The following HS1BP3 variants were observed in gnomAD, a reference collection of about 807,000 sequenced individuals.
The protein encoded by HS1BP3 is HCLS1 binding protein 3.
Under a neutral mutation model 33.5 loss-of-function variants are expected in HS1BP3, and 32 were observed. The observed-to-expected ratio is 0.95, with a 90% CI of 0.72 to 1.28. HS1BP3 has a LOEUF of 1.28. HS1BP3 is among the 50% of genes most tolerant of loss of function. The pLI is 0.00. For synonymous variants in HS1BP3, 187 were observed against 209.2 expected (o/e 0.89, Z 0.92); for missense variants, 486 against 502.3 (o/e 0.97, Z 0.31).
chr2:20,637,034 G>GC (rs1303746385), intron 4 of HS1BP3: 1 of 90,756 alleles, frequency 1.1e-5, no homozygotes, highest in African/African-American at 4.0e-5. Context: ...GGCTGCCCCC[G>GC]CCCCCCCCGC....
At chr2:20,592,315 T>C (rs1233287691), downstream of HS1BP3, 1 of 162,172 alleles carries the variant, frequency 6.2e-6, no homozygotes, top group East Asian at 1.9e-4. Flanking sequence ...ATTCCCTGTC[T>C]GGCCATCCAC....
chr2:20,573,683 C>T (rs1040742132), intron 5 of HS1BP3, among the ~76,000 whole-genome samples: 1 of 152,234 alleles, frequency 6.6e-6, no homozygotes, highest in Non-Finnish European at 1.5e-5. Context: ...CCTTCCTGTT[C>T]AGCTACTAGT....
At chr2:20,559,999 C>T (rs748080360), downstream of HS1BP3, among the ~76,000 whole-genome samples, 4 of 152,070 alleles carry the variant, frequency 2.6e-5, no homozygotes, top group Non-Finnish European at 4.4e-5. Flanking sequence ...GCGGGAATAC[C>T]AGGTGACCTG....
At chr2:20,594,041 C>T (rs946225358) in intron 3 of HS1BP3, among the ~76,000 whole-genome samples, 2 of 152,256 alleles carry the variant, frequency 1.3e-5, no homozygotes, top group Non-Finnish European at 2.9e-5. Context: ...CTTCCTGTTG[C>T]TGGTCCCCAG....
intron 5 of HS1BP3, among the ~76,000 whole-genome samples, chr2:20,577,869 C>G (rs2149274605): frequency 6.6e-6 from 1 of 152,314 alleles, no homozygotes; most frequent in African/African-American, 2.4e-5. Context: ...CTGATCAGAT[C>G]AATGATTCAT....
At chr2:20,612,054 T>G (rs138409775) in intron 2 of HS1BP3, among the ~76,000 whole-genome samples, 2,556 of 152,358 alleles carry the variant, frequency 0.017, 47 homozygotes, top group South Asian at 0.053. Flanking sequence ...TAATGAATAC[T>G]ATGCATCAGG....
chr2:20,647,824 C>T (rs994218038), intron 1 of HS1BP3, among the ~76,000 whole-genome samples: 2 of 152,184 alleles, frequency 1.3e-5, no homozygotes, highest in Non-Finnish European at 2.9e-5. Context: ...AATGTGCGTG[C>T]AACCCCCTGG....
At chr2:20,580,016 T>C (rs989804469) in intron 5 of HS1BP3, among the ~76,000 whole-genome samples, 3 of 152,250 alleles carry the variant, frequency 2.0e-5, no homozygotes, top group African/African-American at 7.2e-5. Context: ...CTAATCTACA[T>C]ACCCTTATCT....
chr2:20,589,203 A>C (rs567937344), downstream of HS1BP3, among the ~76,000 whole-genome samples: 3 of 152,300 alleles, frequency 2.0e-5, no homozygotes, highest in East Asian at 5.8e-4. Context: ...TTCACTTCTC[A>C]GGATAGCCCA....
chr2:20,593,731 C>T (rs577075432), intron 3 of HS1BP3, among the ~76,000 whole-genome samples: 2 of 152,166 alleles, frequency 1.3e-5, no homozygotes, highest in East Asian at 1.9e-4. Context: ...CACAGTTAGC[C>T]GAGTGTGTGC....
At chr2:20,640,647 G>T (rs1369703767) in intron 3 of HS1BP3, 1 of 530,558 alleles carries the variant, frequency 1.9e-6, no homozygotes, top group East Asian at 2.8e-5. Context: ...GTGTCAGGGG[G>T]TTGTATGTGG....
chr2:20,571,020 A>T (rs1693256975), intron 5 of HS1BP3, among the ~76,000 whole-genome samples: 1 of 152,080 alleles, frequency 6.6e-6, no homozygotes, highest in Admixed American at 6.5e-5. Context: ...GAAGAGGAAG[A>T]CCTATGACAG....
At chr2:20,634,255 A>T (rs1695054000) in intron 4 of HS1BP3, among the ~76,000 whole-genome samples, 1 of 152,216 alleles carries the variant, frequency 6.6e-6, no homozygotes, top group East Asian at 1.9e-4. Flanking sequence ...CATTTCCAAC[A>T]CTTTAACAGA....
Position 20,563,712 on chromosome 2 carries a change from G to A in HS1BP3, c.303-3197C>T, listed in dbSNP as rs547742633. On this transcript the variant is annotated intron_variant, in intron 5 of 5. Transcript: ENST00000446825. ...CATTCTTTTGCCATTCCTGCACAGGGGGCTTCTTCACACTCGCCCACCCCT... is the reference window on the plus strand; with the variant it reads ...CATTCTTTTGCCATTCCTGCACAGGAGGCTTCTTCACACTCGCCCACCCCT... Among the ~76,000 whole-genome samples the A allele has an allele frequency of 5.3e-5, 8 of 152,262 alleles. No individual in the cohort carries two copies. The East Asian group carries it at 1.5e-3, about 29-fold the overall frequency.
At chr2:20,638,705 G>T in intron 3 of HS1BP3, 53 bp from the exon 4 acceptor site, 1 of 1,432,150 alleles carries the variant, frequency 7.0e-7, no homozygotes, top group Non-Finnish European at 9.7e-7. Flanking sequence ...AGAGCCAGGG[G>T]AGGCATCTTG....
At chr2:20,573,516 A>G (rs1051737788) in intron 5 of HS1BP3, among the ~76,000 whole-genome samples, 4 of 152,208 alleles carry the variant, frequency 2.6e-5, no homozygotes, top group African/African-American at 4.8e-5. Context: ...GTCATTTTGT[A>G]GACTGAAAAC....
At chr2:20,636,704 A>G (rs1327718344) in intron 4 of HS1BP3, 5 of 152,244 alleles carry the variant, frequency 3.3e-5, no homozygotes, top group Admixed American at 2.6e-4. Flanking sequence ...GGATGTTTAT[A>G]CATGTGTGTC....
intron 5 of HS1BP3, among the ~76,000 whole-genome samples, chr2:20,569,999 G>A (rs1693226700): frequency 6.6e-6 from 1 of 152,088 alleles, no homozygotes; most frequent in Admixed American, 6.5e-5. Flanking sequence ...GGGCTTTTCT[G>A]GCCTCAGCCT....
At chr2:20,557,316 T>C (rs1184191849), downstream of HS1BP3, among the ~76,000 whole-genome samples, 1 of 152,216 alleles carries the variant, frequency 6.6e-6, no homozygotes, top group Admixed American at 6.5e-5. Flanking sequence ...GACAAAGACC[T>C]GTATTTTCCA....
Sources: gnomAD v4.1 joint callset for allele counts (sites outside exome capture counted in the v4.1 genomes callset) on GRCh38, gnomAD v4.1.1 for gene constraint, MANE v1.5 for transcripts, NCBI Gene and HGNC (gene_info 2026-07-23, HGNC 2026-07-21) for gene names.